TTC3: variants seen among roughly 807,000 people sequenced by gnomAD.
TTC3 encodes tetratricopeptide repeat domain 3, also known as E3 ubiquitin-protein ligase TTC3.
A neutral mutation model predicts 249.6 loss-of-function variants in TTC3; 180 were observed. The observed-to-expected ratio is 0.72, with a 90% confidence interval of 0.64 to 0.82. The LOEUF (loss-of-function observed/expected upper bound fraction) is 0.82. Among genes scored for constraint, TTC3 ranks in the 40% least tolerant of loss-of-function variants. The pLI is 0.00. For synonymous variants in TTC3, 717 were observed against 805.0 expected (o/e 0.89, Z 1.85); for missense variants, 2,061 against 2,398.4 (o/e 0.86, Z 2.94).
At chr21:37,131,379 G>A (rs2077457419) in intron 16 of TTC3, among the ~76,000 whole-genome samples, 1 of 152,180 alleles carries the variant, frequency 6.6e-6, no homozygotes, top group African/African-American at 2.4e-5. Context: ...TGAAACCTTA[G>A]TAAAGTCCTT....
intron 1 of TTC3, among the ~76,000 whole-genome samples, chr21:37,074,242 G>C (rs1015621202): frequency 1.3e-5 from 2 of 152,370 alleles, no homozygotes; most frequent in South Asian, 2.1e-4. Flanking sequence ...TGGGAAGGGG[G>C]GTGGACAGGA....
At chr21:37,176,152 C>T (rs2015055611) in intron 35 of TTC3, among the ~76,000 whole-genome samples, 5 of 152,132 alleles carry the variant, frequency 3.3e-5, no homozygotes, top group Admixed American at 3.3e-4. Context: ...CTATGACTGG[C>T]AGGTTATAAC....
Position 37,147,468 on chromosome 21 carries a change from T to A in TTC3, c.1894-13T>A, listed in dbSNP as rs1468510087. 6 of 1,592,788 alleles carry A rather than the reference T, an allele frequency of 3.8e-6. No homozygotes were observed. Among genetic ancestry groups the A allele is most frequent in the Non-Finnish European group, 5.1e-6 (6 of 1,173,380 alleles). ...GTATTGTAATGGTATCATTTTTGTT[T>A]ATTTTGTTTTAGATGCTGTTAGAGA... is the stretch of plus-strand genomic sequence containing the variant. On this transcript the variant is annotated splice_polypyrimidine_tract_variant and intron_variant, in intron 21 of 45. Coordinates refer to ENST00000355666, the Ensembl canonical transcript of TTC3.
Position 37,096,658 on chromosome 21 carries a change from A to G in TTC3, c.845+15A>G, listed in dbSNP as rs2835600. 793,424 of 1,590,882 alleles carry G rather than the reference A, an allele frequency of 0.5. 200,971 individuals are homozygous for G. Among genetic ancestry groups the G allele is most frequent in the Middle Eastern group, 0.52 (3,089 of 5,896 alleles). ...GGACAGTTTAGGTAAGTTGGTTAAA[A>G]TATCTCAACCACTGAATTATTATGC... On this transcript the variant is annotated intron_variant, in intron 10 of 45. Transcript: ENST00000355666.
intron 42 of TTC3, 49 bp downstream of exon 42, chr21:37,196,085 AG>A: frequency 6.3e-7 from 1 of 1,591,526 alleles, no homozygotes; most frequent in Non-Finnish European, 8.6e-7. Context: ...TATCGAACTG[AG>A]GTTTCCTGAT....
chr21:37,195,445 A>G (rs1156810748), intron 41 of TTC3, among the ~76,000 whole-genome samples: 1 of 152,242 alleles, frequency 6.6e-6, no homozygotes, highest in Non-Finnish European at 1.5e-5. Flanking sequence ...ATAGTGACTT[A>G]TAGAGATAAT....
chr21:37,130,257 T>C (rs73391177), intron 16 of TTC3, among the ~76,000 whole-genome samples: 3,034 of 152,182 alleles, frequency 0.02, 95 homozygotes, highest in African/African-American at 0.07. Flanking sequence ...GGATATAGCA[T>C]ATTATTATGT....
chr21:37,073,306 G>A, exon 1 of TTC3: 1 of 425,896 alleles, frequency 2.3e-6, no homozygotes. Flanking sequence ...TGGCGGCGGC[G>A]GCGGCGGCGG....
intron 41 of TTC3, among the ~76,000 whole-genome samples, chr21:37,192,688 C>T (rs558975340): frequency 2.2e-4 from 33 of 152,302 alleles, no homozygotes; most frequent in African/African-American, 7.5e-4. Flanking sequence ...GAGGTTTCCT[C>T]CTCAAATACA....
Position 37,135,523 on chromosome 21 carries a change from G to A in TTC3, c.1578+9G>A, listed in dbSNP as rs771202970. 6.2e-7 allele frequency: 1 copy of A among 1,610,594 alleles called. No individual in the cohort carries two copies. Among genetic ancestry groups the A allele is most frequent in the Non-Finnish European group, 8.5e-7 (1 of 1,178,172 alleles). On this transcript the variant is annotated intron_variant, in intron 18 of 45. Coordinates refer to ENST00000355666, the Ensembl canonical transcript of TTC3. ...ATCCTCAAAAAATAAAGGTAAATTT[G>A]CCATATCATAACTTGTTTATCAATG...
chr21:37,080,819 T>A (rs1356486353), intron 1 of TTC3, among the ~76,000 whole-genome samples: 1 of 152,144 alleles, frequency 6.6e-6, no homozygotes, highest in East Asian at 1.9e-4. Context: ...TTTTTTTTAG[T>A]GTCCTTACAT....
intron 25 of TTC3, 37 bp from the exon 26 acceptor site, chr21:37,151,856 G>T (rs1212972365): frequency 6.5e-7 from 1 of 1,535,494 alleles, no homozygotes; most frequent in African/African-American, 1.4e-5. Context: ...AAGGAAAACA[G>T]TTCATTGAGT....
chr21:37,080,684 C>T (rs565555815), intron 1 of TTC3, among the ~76,000 whole-genome samples: 4 of 152,168 alleles, frequency 2.6e-5, no homozygotes, highest in Non-Finnish European at 5.9e-5. Context: ...CCTAGTGGCT[C>T]GAACCTTTAC....
At chr21:37,159,152 G>T (rs915728187) in intron 28 of TTC3, among the ~76,000 whole-genome samples, 1 of 152,154 alleles carries the variant, frequency 6.6e-6, no homozygotes. Flanking sequence ...CCTGCCTTGT[G>T]CTTTCCTGCC....
At chr21:37,133,619 G>A (rs894516206) in intron 17 of TTC3, among the ~76,000 whole-genome samples, 1 of 152,208 alleles carries the variant, frequency 6.6e-6, no homozygotes, top group African/African-American at 2.4e-5. Flanking sequence ...ATATGCTGGG[G>A]AGTGAGAGAG....
chr21:37,197,855 T>G (rs1167403624), intron 43 of TTC3, 27 bp from the exon 44 acceptor site: 2 of 1,597,016 alleles, frequency 1.3e-6, no homozygotes, highest in East Asian at 4.5e-5. Context: ...TCTTGTCCCC[T>G]CCCCGCCACC....
At chr21:37,166,583 A>G (rs2081275309) in exon 33 of TTC3, 1 of 1,613,630 alleles carries the variant, frequency 6.2e-7, no homozygotes, top group African/African-American at 1.3e-5. Flanking sequence ...TGCAGTAACA[A>G]ACATTCCACA....
chr21:37,079,479 G>A (rs1018739953), intron 1 of TTC3, among the ~76,000 whole-genome samples: 5 of 123,090 alleles, frequency 4.1e-5, no homozygotes, highest in African/African-American at 1.6e-4. Flanking sequence ...GTTTTGGTAA[G>A]TTTTAGAAAT....
intron 35 of TTC3, among the ~76,000 whole-genome samples, chr21:37,176,143 T>G (rs1449096182): frequency 6.6e-6 from 1 of 152,210 alleles, no homozygotes; most frequent in Non-Finnish European, 1.5e-5. Context: ...TACCCTAACC[T>G]ATGACTGGCA....
Sources: allele counts gnomAD v4.1 joint callset (sites outside exome capture counted in the v4.1 genomes callset), GRCh38; gene constraint gnomAD v4.1.1; transcripts MANE v1.5; gene names NCBI Gene and HGNC (gene_info 2026-07-23, HGNC 2026-07-21).